The following VWA8 variants were observed in gnomAD, a reference collection of about 807,000 sequenced individuals.
VWA8 encodes the protein von Willebrand factor A domain containing 8.
Under a neutral mutation model 241.5 loss-of-function variants are expected in VWA8, and 221 were observed. The observed-to-expected ratio is 0.91, with a 90% CI of 0.82 to 1.02. The LOEUF is 1.02. Ranked by LOEUF, VWA8 falls within the 50% of genes least tolerant of loss-of-function variation. The pLI, the probability that VWA8 is intolerant of heterozygous loss-of-function variation, is 0.00. For missense variants in VWA8, 2,322 were observed against 2,328.7 expected (o/e 1.00, Z 0.06); for synonymous variants, 852 against 827.1 (o/e 1.03, Z -0.52).
At chr13:41,665,161 A>G (rs1302559683) in intron 37 of VWA8, among the ~76,000 whole-genome samples, 3 of 152,168 alleles carry the variant, frequency 2.0e-5, no homozygotes, top group Non-Finnish European at 2.9e-5. Context: ...ATACTGTTTC[A>G]TTTAAATTTG....
At chr13:41,617,893 T>TGGACA (rs2044632020) in intron 37 of VWA8, among the ~76,000 whole-genome samples, 3 of 151,418 alleles carry the variant, frequency 2.0e-5, no homozygotes, top group African/African-American at 7.4e-5. Flanking sequence ...CTATTATGGG[T>TGGACA]TGGTTCCAAG....
chr13:41,899,516 A>C (rs1421670122), intron 4 of VWA8, among the ~76,000 whole-genome samples: 1 of 152,240 alleles, frequency 6.6e-6, no homozygotes, highest in African/African-American at 2.4e-5. Flanking sequence ...GAAAATCTTG[A>C]GAAGATGCTC....
chr13:41,809,847 A>G lies in VWA8; in HGVS notation c.2063+1378T>C, dbSNP rs7984457. Among the ~76,000 whole-genome samples the G allele has an allele frequency of 9.6e-3, 1,468 of 152,288 alleles. 24 individuals are homozygous for G. The highest frequency in any genetic ancestry group is 0.034 in the African/African-American group (1,406 of 41,552). On this transcript the variant is annotated intron_variant, in intron 17 of 44. Transcript: ENST00000379310. ...ACAGAATGGGAAAAAATATTTGCAA[A>G]TCATCCATCTGACAAGGGATTGATA...
At chr13:41,927,094 T>C in intron 2 of VWA8, 1 of 379,832 alleles carries the variant, frequency 2.6e-6, no homozygotes, top group Non-Finnish European at 5.2e-6. Context: ...TGAATAATCC[T>C]GTGCCGCAGC....
rs770611566 is a variant in VWA8, at chr13:41,783,840, A to T, written c.2232T>A (p.His744Gln). The T allele has an allele frequency of 6.2e-7, 1 of 1,610,124 alleles. No homozygotes were observed. The highest frequency in any genetic ancestry group is 1.1e-5 in the South Asian group (1 of 90,926). ...GAACATCAGGCACTTTCATTTTCTC[A>T]TGTGCATTATAGATCGGTGCACTAA... ...GAVSAPIYNA[H>Q]EKMKVPDVLF... is the part of the protein sequence containing the mutation. Residue 744 changes from histidine (H) to glutamine (Q), a missense_variant, in exon 19 of 45, where the codon CAT becomes CAA. His to Gln is a conservative substitution (Grantham distance 24). Coordinates refer to ENST00000379310, the MANE Select transcript of VWA8 (RefSeq NM_015058.2).
intron 14 of VWA8, among the ~76,000 whole-genome samples, chr13:41,828,532 C>A (rs544255911): frequency 6.6e-6 from 1 of 152,198 alleles, no homozygotes; most frequent in South Asian, 2.1e-4. Context: ...TTTTAACTCA[C>A]AGAAAATGTC....
Position 41,784,729 on chromosome 13 carries a change from T to TATATATACAC in VWA8, c.2171-829_2171-828insGTGTATATAT, listed in dbSNP as rs772522331. ...ATATATATATATATATATATATATA[T>TATATATACAC]ACACACACATATATATATATATATA... On this transcript the variant is annotated intron_variant, in intron 18 of 44. Transcript: ENST00000379310. Among the ~76,000 whole-genome samples, 12 of 60,078 alleles carry TATATATACAC rather than the reference T, an allele frequency of 2.0e-4. 1 individual carries two copies. The highest frequency in any genetic ancestry group is 3.3e-4 in the African/African-American group (6 of 17,934). 39.4% of individuals were successfully genotyped at this position (60,078 alleles called of 152,430 possible). A position where few individuals can be genotyped will look rare whatever the true frequency, so the allele number is the denominator to read the frequency against.
intron 42 of VWA8, among the ~76,000 whole-genome samples, chr13:41,584,203 AAAG>A (rs1291139398): frequency 1.3e-5 from 2 of 152,194 alleles, no homozygotes; most frequent in Non-Finnish European, 2.9e-5. Context: ...GTTGGGAAAT[AAAG>A]GAGAAAGTTT....
At chr13:41,645,963 T>C (rs113657670) in intron 37 of VWA8, among the ~76,000 whole-genome samples, 2,919 of 151,004 alleles carry the variant, frequency 0.019, 39 homozygotes, top group Middle Eastern at 0.062. Context: ...CAAATTTTCC[T>C]GATTTTTTTT....
At chr13:41,931,592 AC>A (rs765646513) in intron 2 of VWA8, among the ~76,000 whole-genome samples, 86 of 152,308 alleles carry the variant, frequency 5.6e-4, no homozygotes, top group Non-Finnish European at 3.8e-4. Context: ...ACCAAAAAAA[AC>A]ATGAGTAACT....
chr13:41,855,052 T>C (rs545490053), intron 12 of VWA8, among the ~76,000 whole-genome samples: 1 of 152,048 alleles, frequency 6.6e-6, no homozygotes, highest in African/African-American at 2.4e-5. Flanking sequence ...ACAGCATAAT[T>C]TCAATATTAT....
At chr13:41,617,230 G>A (rs34604436) in intron 37 of VWA8, among the ~76,000 whole-genome samples, 19 of 151,618 alleles carry the variant, frequency 1.3e-4, no homozygotes, top group Admixed American at 3.3e-4. Context: ...ACAATTCTCC[G>A]GCCTCAGCCT....
chr13:41,759,178 T>C (rs1289000167), intron 21 of VWA8, among the ~76,000 whole-genome samples: 1 of 151,682 alleles, frequency 6.6e-6, no homozygotes, highest in Non-Finnish European at 1.5e-5. Flanking sequence ...GAAAATGTCA[T>C]TATTTTGCCT....
chr13:41,804,538 TA>T (rs199972201), intron 17 of VWA8, among the ~76,000 whole-genome samples: 74 of 151,168 alleles, frequency 4.9e-4, no homozygotes, highest in Non-Finnish European at 5.3e-4. Flanking sequence ...ATTTAAAAAT[TA>T]AAAAAAAATT....
In VWA8 at chr13:41,727,307, G is replaced by A. The variant is rs371338398; in HGVS notation, c.2645C>T (p.Ala882Val). The stretch of plus-strand genomic sequence containing the variant: ...AACATTTTCTCTTCCATTCACATTA[G>A]CAGAATCTGAAAAACAAAATTTGTT... The part of the protein sequence containing the change: ...ADGRRIVANS[A>V]NVNGRENVVV... Residue 882 changes from alanine to valine, a missense_variant, in exon 24 of 45, where the codon GCT becomes GTT. Physicochemically the swap from Ala to Val is moderately conservative, Grantham distance 64. Transcript: ENST00000379310. 2.3e-5 allele frequency: 35 copies of A among 1,512,576 alleles called. No individual in the cohort carries two copies. In the African/African-American group the frequency reaches 2.7e-4, roughly 12 times the overall value. The allele number at this position is 1,512,576 out of a possible 1,614,324, so 93.7% of individuals were successfully genotyped here.
chr13:41,870,601 G>A (rs1204349797), intron 9 of VWA8, among the ~76,000 whole-genome samples: 1 of 145,278 alleles, frequency 6.9e-6, no homozygotes, highest in African/African-American at 2.6e-5. Context: ...ACGTGACACT[G>A]CACTCTGCTT....
chr13:41,733,106 C>T (rs1024102561), intron 21 of VWA8, among the ~76,000 whole-genome samples: 1 of 152,126 alleles, frequency 6.6e-6, no homozygotes, highest in Non-Finnish European at 1.5e-5. Context: ...ATGTATAAGA[C>T]ACTACTGGAC....
chr13:41,840,783 A>C (rs918464070), intron 12 of VWA8, among the ~76,000 whole-genome samples: 2 of 152,028 alleles, frequency 1.3e-5, no homozygotes, highest in Non-Finnish European at 2.9e-5. Flanking sequence ...TACATAAGTC[A>C]TGATGATCAC....
At chr13:41,882,635 C>A (rs1874295730) in intron 9 of VWA8, among the ~76,000 whole-genome samples, 1 of 152,192 alleles carries the variant, frequency 6.6e-6, no homozygotes, top group South Asian at 2.1e-4. Context: ...AACCCCGTCT[C>A]CACCAAAAAA....
Sources: allele counts gnomAD v4.1 joint callset (sites outside exome capture counted in the v4.1 genomes callset), GRCh38; gene constraint gnomAD v4.1.1; transcripts MANE v1.5; gene names NCBI Gene and HGNC (gene_info 2026-07-23, HGNC 2026-07-21).